CREBZF: variants seen among roughly 807,000 people sequenced by gnomAD.
CREBZF encodes CREB/ATF bZIP transcription factor.
CREBZF carries 8 observed loss-of-function variants against 21.1 expected under a neutral mutation model. The observed-to-expected ratio is 0.38, with a 90% CI of 0.22 to 0.68. CREBZF has a LOEUF of 0.68. Among genes scored for constraint, CREBZF ranks in the 30% least tolerant of loss-of-function variants. CREBZF has a pLI of 0.51. For missense variants in CREBZF, 518 were observed against 484.3 expected (o/e 1.07, Z -0.65); for synonymous variants, 270 against 223.3 (o/e 1.21, Z -1.86).
At chr11:85,667,125 C>A (rs1206775569), upstream of CREBZF, among the ~76,000 whole-genome samples, 1 of 152,098 alleles carries the variant, frequency 6.6e-6, no homozygotes, top group Non-Finnish European at 1.5e-5. Flanking sequence ...TTTGGGAGGC[C>A]GAGGCAAGAG....
intron 1 of CREBZF, among the ~76,000 whole-genome samples, chr11:85,674,702 G>GA (rs1349105129): frequency 6.6e-5 from 10 of 152,204 alleles, no homozygotes; most frequent in African/African-American, 2.4e-4. Flanking sequence ...TGTCCACAGT[G>GA]AAAATCTGTT....
chr11:85,662,508 G>A lies in CREBZF; in HGVS notation c.*1303C>T. 2.9e-6 allele frequency: 2 copies of A among 694,368 alleles called. No homozygotes were observed. Among genetic ancestry groups the A allele is most frequent in the Non-Finnish European group, 5.4e-6 (2 of 373,002 alleles). The allele number at this position is 694,368 out of a possible 1,614,324, so 43.0% of individuals were successfully genotyped here. A position where few individuals can be genotyped will look rare whatever the true frequency, so the allele number is the denominator to read the frequency against. ...GCTAAATACGTATATACTTTATCAA[G>A]CAGTGATGTTTCACAAAGAATTTCT... On this transcript the variant is annotated 3_prime_UTR_variant, in exon 1 of 1. Transcript: ENST00000527447.
rs560634107 is a variant in CREBZF at position 85,659,230 on chromosome 11, G to A, written c.*4581C>T. The stretch of plus-strand genomic sequence containing the variant: ...CCAATTAAACTTTCAAGAGTCATCA[G>A]ATTATTTAGCTTTAAAATTTTACTA... On this transcript the variant is annotated 3_prime_UTR_variant, in exon 1 of 1. Coordinates refer to ENST00000527447, the MANE Select transcript of CREBZF (RefSeq NM_001039618.4). Among the ~76,000 whole-genome samples, 28 of 152,120 alleles carry A rather than the reference G, an allele frequency of 1.8e-4. No individual in the cohort carries two copies. The highest frequency in any genetic ancestry group is 6.7e-4 in the African/African-American group (28 of 41,520).
chr11:85,680,678 C>T (rs2153330654), intron 1 of CREBZF, among the ~76,000 whole-genome samples: 1 of 152,256 alleles, frequency 6.6e-6, no homozygotes, highest in African/African-American at 2.4e-5. Context: ...CTAGGTGTCC[C>T]TAAGTTTAAT....
intron 1 of CREBZF, among the ~76,000 whole-genome samples, chr11:85,671,869 C>T (rs1012086259): frequency 4.6e-5 from 7 of 152,210 alleles, no homozygotes; most frequent in Non-Finnish European, 7.3e-5. Context: ...ATAGATCTAC[C>T]ATTCTGGGGT....
intron 1 of CREBZF, chr11:85,682,619 A>T: frequency 6.3e-6 from 1 of 158,712 alleles, no homozygotes; most frequent in Non-Finnish European, 1.2e-5. Flanking sequence ...CCCCAACGCG[A>T]TCTTCCAGAC....
intron 1 of CREBZF, among the ~76,000 whole-genome samples, chr11:85,682,277 G>A (rs1172624092): frequency 4.6e-5 from 7 of 151,984 alleles, no homozygotes; most frequent in African/African-American, 1.2e-4. Context: ...TGTTATGAGG[G>A]TGGAATGAAA....
At position 85,664,350 on chromosome 11, in the gene CREBZF, T is replaced by C; in HGVS notation, c.526A>G (p.Ser176Gly). 1.9e-6 allele frequency: 3 copies of C among 1,613,130 alleles called. No individual in the cohort carries two copies. The highest frequency in any genetic ancestry group is 2.5e-6 in the Non-Finnish European group (3 of 1,179,832). Reference protein sequence around the residue: ...LLNGIGGCSSSSDSGSAEKRR... With the variant: ...LLNGIGGCSSGSDSGSAEKRR... ...TTTTCGGCGCTGCCACTGTCACTGC[T>C]GCTGCTGCAGCCTCCGATACCGTTT... Residue 176 changes from serine to glycine, a missense_variant, in exon 1 of 1, where the codon AGC (serine) becomes GGC (glycine). Physicochemically the swap from Ser to Gly is moderately conservative, Grantham distance 56. Transcript: ENST00000527447. This position sits in a 1 kb window ranked among gnomAD's most constrained non-coding sequence, Gnocchi z 5.5.
At chr11:85,678,634 A>G (rs1448158175) in intron 1 of CREBZF, among the ~76,000 whole-genome samples, 1 of 152,206 alleles carries the variant, frequency 6.6e-6, no homozygotes, top group African/African-American at 2.4e-5. Context: ...AATATACTCC[A>G]TTAAGGATAT....
At position 85,664,639 on chromosome 11, in the gene CREBZF, G is replaced by A; in HGVS notation, c.237C>T (p.Ser79=). ...SRGGVAVRAP[S]PEEMEEEAIA... ...TCGCCTCCTCCTCCATCTCCTCGGG[G>A]GAGGGCGCGCGCACGGCCACGCCGC... Residue 79 remains serine (S), a synonymous_variant, in exon 1 of 1, where the codon TCC becomes TCT. Transcript: ENST00000527447. The surrounding 1 kb of genome is among the most constrained non-coding windows in gnomAD (Gnocchi z 5.5). 1.2e-6 allele frequency: 2 copies of A among 1,609,432 alleles called. No individual in the cohort carries two copies. The highest frequency in any genetic ancestry group is 1.7e-6 in the Non-Finnish European group (2 of 1,177,802).
At chr11:85,677,007 A>G (rs1291381072) in intron 1 of CREBZF, among the ~76,000 whole-genome samples, 1 of 130,822 alleles carries the variant, frequency 7.6e-6, no homozygotes, top group Non-Finnish European at 1.6e-5. Flanking sequence ...TCTGTCACCC[A>G]GGCTGAAATG....
At chr11:85,665,949 A>T (rs1476284246), upstream of CREBZF, among the ~76,000 whole-genome samples, 6 of 152,234 alleles carry the variant, frequency 3.9e-5, no homozygotes, top group Non-Finnish European at 7.3e-5. Flanking sequence ...CTCTGCAAGG[A>T]TGTCTGCCCA....
At chr11:85,682,563 C>T (rs190758673) in intron 1 of CREBZF, among the ~76,000 whole-genome samples, 5 of 152,090 alleles carry the variant, frequency 3.3e-5, no homozygotes, top group African/African-American at 9.6e-5. Context: ...CGTTCCCCTG[C>T]GCCCGAGTTT....
At chr11:85,669,795 GTTTT>G (rs1166011389), upstream of CREBZF, among the ~76,000 whole-genome samples, 2 of 151,590 alleles carry the variant, frequency 1.3e-5, no homozygotes, top group African/African-American at 2.4e-5. Flanking sequence ...TTAACTAAAT[GTTTT>G]TTGTTTGTTT....
At chr11:85,682,744 A>G (rs1464318956) in exon 1 of CREBZF, 1 of 699,032 alleles carries the variant, frequency 1.4e-6, no homozygotes, top group Non-Finnish European at 2.6e-6. Context: ...CGCTTCCAGA[A>G]CCGTCCGGCC....
chr11:85,672,736 G>T (rs141396480), intron 1 of CREBZF, among the ~76,000 whole-genome samples: 6 of 152,288 alleles, frequency 3.9e-5, no homozygotes, highest in Admixed American at 3.9e-4. Context: ...TAGAGCAAAT[G>T]ATCCATGAGA....
intron 1 of CREBZF, among the ~76,000 whole-genome samples, chr11:85,676,814 T>TC (rs2082945257): frequency 6.7e-6 from 1 of 149,410 alleles, no homozygotes; most frequent in Non-Finnish European, 1.5e-5. Context: ...ATTTTTCTTT[T>TC]TTTTTTTTTT....
chr11:85,670,000 G>A (rs1010578734), upstream of CREBZF, among the ~76,000 whole-genome samples: 2 of 151,968 alleles, frequency 1.3e-5, no homozygotes, highest in African/African-American at 2.4e-5. Context: ...GTAGAGACGG[G>A]GTTTCACCAT....
Position 85,663,327 on chromosome 11 carries a change from C to T in CREBZF, c.*484G>A, listed in dbSNP as rs1302767913. 1.0e-5 allele frequency: 6 copies of T among 602,042 alleles called. No individual in the cohort carries two copies. The highest frequency in any genetic ancestry group is 7.4e-5 in the African/African-American group (4 of 53,734). 37.3% of individuals were successfully genotyped at this position (602,042 alleles called of 1,614,324 possible). On this transcript the variant is annotated 3_prime_UTR_variant, in exon 1 of 1. Coordinates refer to ENST00000527447, the MANE Select transcript of CREBZF (RefSeq NM_001039618.4). ...GGGGACACATTAATAGCTATTTCAACCAGAAGAGGCATCTTAAATACATTC... is the reference window on the plus strand; with the variant it reads ...GGGGACACATTAATAGCTATTTCAATCAGAAGAGGCATCTTAAATACATTC...
Sources: gnomAD v4.1 joint callset for allele counts (sites outside exome capture counted in the v4.1 genomes callset) on GRCh38, gnomAD v4.1.1 for gene constraint, Gnocchi (gnomAD v3.1) non-coding constraint, MANE v1.5 for transcripts, NCBI Gene and HGNC (gene_info 2026-07-23, HGNC 2026-07-21) for gene names.